Variants in VWA3B observed in about 807,000 individuals in gnomAD.
The protein encoded by VWA3B is von Willebrand factor A domain-containing protein 3B.
Under a neutral mutation model 158.3 loss-of-function variants are expected in VWA3B, and 138 were observed. The ratio of observed to expected loss-of-function variants is 0.87; its 90% CI spans 0.76 to 1.00. The LOEUF is 1.00. VWA3B is among the 50% of genes least tolerant of loss of function. The pLI is 0.00. For missense variants in VWA3B, 1,555 were observed against 1,565.1 expected (o/e 0.99, Z 0.11); for synonymous variants, 596 against 587.3 (o/e 1.01, Z -0.21).
chr2:98,250,234 T>C, intron 19 of VWA3B, 84 bp from the exon 20 acceptor site: 1 of 909,668 alleles, frequency 1.1e-6, no homozygotes, highest in Non-Finnish European at 1.7e-6. Flanking sequence ...AGAAAACATG[T>C]TATACAACTA....
At chr2:98,168,392 C>CACAT (rs1679286712) in intron 8 of VWA3B, among the ~76,000 whole-genome samples, 2 of 151,776 alleles carry the variant, frequency 1.3e-5, no homozygotes, top group Non-Finnish European at 2.9e-5. Flanking sequence ...CACACACACA[C>CACAT]ACACACACAC....
chr2:98,287,699 A>G (rs1001711459), intron 22 of VWA3B, among the ~76,000 whole-genome samples: 3 of 152,224 alleles, frequency 2.0e-5, no homozygotes, highest in Non-Finnish European at 4.4e-5. Flanking sequence ...AAATAACAAA[A>G]CAATCTTTTC....
chr2:98,310,913 A>G (rs1690846508), intron 26 of VWA3B, among the ~76,000 whole-genome samples: 1 of 152,254 alleles, frequency 6.6e-6, no homozygotes, highest in African/African-American at 2.4e-5. Context: ...TTCTTTCACA[A>G]GGGATTTGAA....
intron 20 of VWA3B, among the ~76,000 whole-genome samples, chr2:98,255,186 T>TTG (rs1473437221): frequency 1.7e-5 from 2 of 117,932 alleles, no homozygotes; most frequent in Non-Finnish European, 3.7e-5. Flanking sequence ...GCTGATATTT[T>TTG]TTTTTTTTTT....
At chr2:98,100,193 C>T (rs1179476597) in intron 2 of VWA3B, among the ~76,000 whole-genome samples, 2 of 152,200 alleles carry the variant, frequency 1.3e-5, no homozygotes, top group African/African-American at 4.8e-5. Context: ...CCAGTCTTTG[C>T]CATCTGGCTT....
chr2:98,159,468 C>A (rs1353627160), intron 7 of VWA3B, among the ~76,000 whole-genome samples: 3 of 152,030 alleles, frequency 2.0e-5, no homozygotes, highest in African/African-American at 7.2e-5. Context: ...AGGCTGGTCT[C>A]AAACACCAGA....
Position 98,236,319 on chromosome 2 carries a change from G to A in VWA3B, c.2429-71G>A, listed in dbSNP as rs760057428. On this transcript the variant is annotated intron_variant, in intron 17 of 27. Coordinates refer to ENST00000477737, the MANE Select transcript of VWA3B (RefSeq NM_144992.5). Reference sequence around the variant, plus strand: ...CAGTCACAGCTGGACTGAGACAAGCGTGATCCCTTTGCATTTTATGTAAAA... The same window carrying A: ...CAGTCACAGCTGGACTGAGACAAGCATGATCCCTTTGCATTTTATGTAAAA... 1.7e-4 allele frequency: 262 copies of A among 1,508,454 alleles called. 1 individual carries two copies. Among genetic ancestry groups the A allele is most frequent in the Middle Eastern group, 1.8e-4 (1 of 5,518 alleles). 93.4% of individuals were successfully genotyped at this position (1,508,454 alleles called of 1,614,324 possible).
At chr2:98,175,234 T>A (rs985680895) in intron 8 of VWA3B, among the ~76,000 whole-genome samples, 9 of 152,288 alleles carry the variant, frequency 5.9e-5, no homozygotes, top group Admixed American at 3.3e-4. Flanking sequence ...AGCCCAGACA[T>A]TGACCTTACT....
At chr2:98,306,616 A>T (rs946952379) in intron 26 of VWA3B, among the ~76,000 whole-genome samples, 4 of 152,186 alleles carry the variant, frequency 2.6e-5, no homozygotes, top group Non-Finnish European at 5.9e-5. Context: ...TGATGTCCAA[A>T]TTACAGCTCA....
At chr2:98,294,862 C>T (rs1032226229) in intron 23 of VWA3B, among the ~76,000 whole-genome samples, 2 of 152,206 alleles carry the variant, frequency 1.3e-5, no homozygotes, top group African/African-American at 2.4e-5. Flanking sequence ...TTCCCTGTAC[C>T]TCAGTGTCCC....
rs777802494 is a variant in VWA3B, at chr2:98,128,268, G to A, written c.732G>A (p.Gly244=). 6 of 1,614,038 alleles carry A rather than the reference G, an allele frequency of 3.7e-6. No homozygotes were observed. The highest frequency in any genetic ancestry group is 4.2e-6 in the Non-Finnish European group (5 of 1,180,018). The change falls in exon 6 of 28, where the codon GGG becomes GGA. Residue 244 remains glycine (G), a synonymous_variant. Transcript: ENST00000477737. ...AATCCATTTACTACTTTGTGGTGGG[G>A]GATGTTCCTGAAGAATCCAAGGAGC... ...TIESIYYFVV[G]DVPEESKELL...
intron 21 of VWA3B, among the ~76,000 whole-genome samples, chr2:98,269,728 G>T (rs958836163): frequency 6.6e-6 from 1 of 152,198 alleles, no homozygotes; most frequent in African/African-American, 2.4e-5. Context: ...CTCTTCATTT[G>T]TTTCTGGAAT....
At chr2:98,108,202 T>C in intron 2 of VWA3B, among the ~76,000 whole-genome samples, 1 of 152,162 alleles carries the variant, frequency 6.6e-6, no homozygotes, top group Non-Finnish European at 1.5e-5. Flanking sequence ...ATTTCTAGTT[T>C]GTTCCCATCT....
intron 9 of VWA3B, among the ~76,000 whole-genome samples, chr2:98,186,924 C>T (rs961503174): frequency 2.6e-5 from 4 of 152,140 alleles, no homozygotes; most frequent in Admixed American, 6.6e-5. Context: ...GGGACCTGCT[C>T]CTGGCCCTCC....
At chr2:98,160,984 T>A (rs1678524949) in intron 7 of VWA3B, among the ~76,000 whole-genome samples, 1 of 152,224 alleles carries the variant, frequency 6.6e-6, no homozygotes, top group South Asian at 2.1e-4. Flanking sequence ...ATTTTAAAAT[T>A]CAGAAACATC....
chr2:98,216,982 A>ACCGCCC lies in VWA3B; in HGVS notation c.1837-862_1837-861insGCCCCC, dbSNP rs1553417707. The ACCGCCC allele has an allele frequency of 2.3e-4, 283 of 1,237,206 alleles. 3 individuals are homozygous for ACCGCCC. The African/African-American group carries it at 4.1e-3, about 18-fold the overall frequency. The allele number at this position is 1,237,206 out of a possible 1,614,324, so 76.6% of individuals were successfully genotyped here. A position where few individuals can be genotyped will look rare whatever the true frequency, so the allele number is the denominator to read the frequency against. On this transcript the variant is annotated intron_variant, in intron 13 of 27. Coordinates refer to ENST00000477737, the MANE Select transcript of VWA3B (RefSeq NM_144992.5). ...GACTGTCATGTGTATCATTGTAAGC[A>ACCGCCC]CCCGCCCCGCACCCAGTCTCAGGTG...
At chr2:98,272,354 T>A (rs1688254038) in intron 22 of VWA3B, among the ~76,000 whole-genome samples, 1 of 152,244 alleles carries the variant, frequency 6.6e-6, no homozygotes, top group African/African-American at 2.4e-5. Context: ...ATGCATCATG[T>A]GAGCGATGCA....
At position 98,146,548 on chromosome 2, in the gene VWA3B, T is replaced by G. The variant is rs117930663; in HGVS notation, c.988+12609T>G. The stretch of plus-strand genomic sequence containing the variant: ...TGCTGTCAGCACTTGTCATTGAGGT[T>G]CTAGCATCCAGGTTGCCAACAAGGC... On this transcript the variant is annotated intron_variant, in intron 7 of 27. Transcript: ENST00000477737. Among the ~76,000 whole-genome samples, 775 of 152,288 alleles carry G rather than the reference T, an allele frequency of 5.1e-3. 17 individuals are homozygous for G. In the East Asian group the frequency reaches 0.088, roughly 17 times the overall value.
rs572749516 is a variant in VWA3B, at chr2:98,259,167, C to T, written c.2843+2993C>T. On this transcript the variant is annotated intron_variant, in intron 21 of 27. Transcript: ENST00000477737. ...TTAATGTCCTTTTGGATTTGATTTG[C>T]TAGTGTTTTATTAAGAATATTTATG... Among the ~76,000 whole-genome samples, 441 of 151,666 alleles carry T rather than the reference C, an allele frequency of 2.9e-3. 7 individuals carry two copies. Among genetic ancestry groups the T allele is most frequent in the African/African-American group, 0.01 (420 of 41,420 alleles).
Sources: allele counts gnomAD v4.1 joint callset (sites outside exome capture counted in the v4.1 genomes callset), GRCh38; gene constraint gnomAD v4.1.1; transcripts MANE v1.5; gene names NCBI Gene and HGNC (gene_info 2026-07-23, HGNC 2026-07-21).